The following SLC7A9 variants were observed in gnomAD, a reference collection of about 807,000 sequenced individuals.
SLC7A9 encodes solute carrier family 7 member 9.
SLC7A9 carries 38 observed loss-of-function variants against 54.1 expected under a neutral mutation model. The ratio of observed to expected loss-of-function variants is 0.70; its 90% CI spans 0.54 to 0.92. The LOEUF (loss-of-function observed/expected upper bound fraction) is 0.92, where lower values mean the gene tolerates loss of function less well. SLC7A9 is among the 40% of genes least tolerant of loss of function. The pLI, the probability that SLC7A9 is intolerant of heterozygous loss-of-function variation, is 0.00. For missense variants in SLC7A9, 537 were observed against 636.1 expected (o/e 0.84, Z 1.68); for synonymous variants, 264 against 258.9 (o/e 1.02, Z -0.19).
intron 8 of SLC7A9, 39 bp from the exon 9 acceptor site, chr19:32,858,582 T>TCCAAGAGCGGCC (rs763430693): frequency 1.3e-6 from 2 of 1,543,374 alleles, no homozygotes; most frequent in Non-Finnish European, 1.8e-6. Flanking sequence ...GGGTCTTTCT[T>TCCAAGAGCGGCC]GGCCTCCAAG....
chr19:32,835,899 GTGTGTGTGTGTA>G (rs1967942845), intron 11 of SLC7A9, among the ~76,000 whole-genome samples: 1 of 123,006 alleles, frequency 8.1e-6, no homozygotes, highest in Non-Finnish European at 1.7e-5. Context: ...CTGTGTGTGT[GTGTGTGTGTGTA>G]TGTGTGTGTG....
intron 4 of SLC7A9, 104 bp downstream of exon 4, chr19:32,863,992 T>C (rs184687371): frequency 4.5e-6 from 7 of 1,571,336 alleles, no homozygotes; most frequent in Non-Finnish European, 5.2e-6. Context: ...AGGCCCTGCC[T>C]GGGCTCTCAC....
rs143323763 is a variant in SLC7A9 at position 32,861,066 on chromosome 19, C to T, written c.705-416G>A. ...AAAATGGGCCAGGCATAGTGGCGCA[C>T]GTCTGTAATCCCAGCACTTTGAGAA... On this transcript the variant is annotated intron_variant, in intron 6 of 12. Coordinates refer to ENST00000023064, the MANE Select transcript of SLC7A9 (RefSeq NM_014270.5). 2.9e-3 allele frequency among the ~76,000 whole-genome samples: 439 copies of T among 152,286 alleles called. 3 individuals carry two copies. The highest frequency in any genetic ancestry group is 9.8e-3 in the African/African-American group (408 of 41,542).
intron 12 of SLC7A9, among the ~76,000 whole-genome samples, chr19:32,832,196 G>A (rs1007668841): frequency 2.0e-5 from 3 of 152,016 alleles, no homozygotes; most frequent in African/African-American, 4.8e-5. Flanking sequence ...GGCTGAGGCA[G>A]GAAAATCGCT....
At chr19:32,860,221 C>A in intron 7 of SLC7A9, 1 of 1,429,866 alleles carries the variant, frequency 7.0e-7, no homozygotes, top group Non-Finnish European at 9.1e-7. Flanking sequence ...TGCTCTGTCC[C>A]AAACCAAACC....
chr19:32,859,908 A>T lies in SLC7A9; in HGVS notation c.806T>A (p.Leu269His). Residue 269 changes from leucine (L) to histidine (H), a missense_variant, in exon 8 of 13, where the codon CTC becomes CAC. Physicochemically the swap from Leu to His is moderately conservative, Grantham distance 99 (BLOSUM62 -3). Transcript: ENST00000023064. ...GIPLVTACYILMNVSYFTVMT... is the reference protein window; with the variant it reads ...GIPLVTACYIHMNVSYFTVMT... Reference sequence around the variant, plus strand: ...CACGGTGAAGTAGGACACGTTCATGAGGATGTAGCACGCCGTCACCAGGGG... The same window carrying T: ...CACGGTGAAGTAGGACACGTTCATGTGGATGTAGCACGCCGTCACCAGGGG... The T allele has an allele frequency of 6.2e-7, 1 of 1,614,176 alleles. No homozygotes were observed. The highest frequency in any genetic ancestry group is 8.5e-7 in the Non-Finnish European group (1 of 1,180,048).
At chr19:32,843,826 G>A (rs1241875004) in intron 10 of SLC7A9, 29 bp downstream of exon 10, 4 of 1,560,334 alleles carry the variant, frequency 2.6e-6, no homozygotes, top group Non-Finnish European at 3.5e-6. Flanking sequence ...CCGCCTTGAA[G>A]ATAGGCTGGT....
rs1326087709 is a variant in SLC7A9 at position 32,862,438 on chromosome 19, G to T, written c.604+23C>A. The T allele has an allele frequency of 3.1e-6, 5 of 1,612,258 alleles. No homozygotes were observed. In the Admixed American group the frequency reaches 8.3e-5, roughly 27 times the overall value. ...AGGGCGTTTGGTGTGTGCCCGTGCA[G>T]GGCCCACCCTCCCGTGGGTCACCTT... On this transcript the variant is annotated intron_variant, in intron 5 of 12. Coordinates refer to ENST00000023064, the MANE Select transcript of SLC7A9 (RefSeq NM_014270.5).
intron 9 of SLC7A9, among the ~76,000 whole-genome samples, chr19:32,858,054 A>G (rs1294601096): frequency 6.6e-6 from 1 of 152,240 alleles, no homozygotes; most frequent in Non-Finnish European, 1.5e-5. Flanking sequence ...TGTTCAGGAA[A>G]TATCACTATG....
At chr19:32,854,867 C>T (rs528218125) in intron 9 of SLC7A9, among the ~76,000 whole-genome samples, 194 of 152,244 alleles carry the variant, frequency 1.3e-3, no homozygotes, top group African/African-American at 4.2e-3. Flanking sequence ...GGATTACAGG[C>T]GTGAGCCACT....
chr19:32,859,161 G>A (rs1473255596), intron 8 of SLC7A9, among the ~76,000 whole-genome samples: 3 of 151,930 alleles, frequency 2.0e-5, no homozygotes, highest in Non-Finnish European at 4.4e-5. Flanking sequence ...GTGTAGTGGC[G>A]TGATCACGTC....
chr19:32,835,731 CTGT>C (rs1394229225), intron 11 of SLC7A9, among the ~76,000 whole-genome samples: 2 of 151,844 alleles, frequency 1.3e-5, no homozygotes, highest in African/African-American at 4.8e-5. Context: ...TTTTGGTTTT[CTGT>C]TGTTCTTTAT....
intron 9 of SLC7A9, among the ~76,000 whole-genome samples, 187 bp downstream of exon 9, chr19:32,858,253 T>C (rs973794636): frequency 2.6e-5 from 4 of 152,194 alleles, no homozygotes; most frequent in African/African-American, 9.7e-5. Context: ...GGCCCATCCA[T>C]GCCTTCCTGG....
intron 9 of SLC7A9, among the ~76,000 whole-genome samples, chr19:32,854,878 GC>G (rs1247838659): frequency 6.6e-6 from 1 of 152,154 alleles, no homozygotes; most frequent in African/African-American, 2.4e-5. Flanking sequence ...GTGAGCCACT[GC>G]ACCTGGCCTT....
At chr19:32,839,318 G>C (rs1599655397) in intron 11 of SLC7A9, among the ~76,000 whole-genome samples, 1 of 152,146 alleles carries the variant, frequency 6.6e-6, no homozygotes, top group African/African-American at 2.4e-5. Flanking sequence ...ACTTTGGAAG[G>C]CTGAAGTGGG....
At chr19:32,867,536 A>T (rs77395488) in intron 2 of SLC7A9, among the ~76,000 whole-genome samples, 6,687 of 151,748 alleles carry the variant, frequency 0.044, 201 homozygotes, top group Middle Eastern at 0.088. Context: ...TTTTTTAAAA[A>T]TTTTTAAAAA....
chr19:32,856,789 C>T (rs892807968), intron 9 of SLC7A9, among the ~76,000 whole-genome samples: 1 of 152,128 alleles, frequency 6.6e-6, no homozygotes, highest in Non-Finnish European at 1.5e-5. Flanking sequence ...GTGGCCCAGA[C>T]TAGTCTCGAA....
At chr19:32,855,511 A>G (rs1027337629) in intron 9 of SLC7A9, among the ~76,000 whole-genome samples, 3 of 152,152 alleles carry the variant, frequency 2.0e-5, no homozygotes, top group South Asian at 2.1e-4. Flanking sequence ...CATCCTGGCA[A>G]ACACGGTGAA....
rs372904328 is a variant in SLC7A9, at chr19:32,858,436, C to T, written c.977+4G>A. 1.9e-6 allele frequency: 3 copies of T among 1,609,816 alleles called. No individual in the cohort carries two copies. The highest frequency in any genetic ancestry group is 1.7e-5 in the Admixed American group (1 of 59,988). On this transcript the variant is annotated splice_donor_region_variant and intron_variant, in intron 9 of 12. Transcript: ENST00000023064. ...CCCTGGGAGTGACGGTGGGGGTCCC[C>T]TACCTGCCCGCTGTGAAGCAGGTCC...
Sources: allele counts gnomAD v4.1 joint callset (sites outside exome capture counted in the v4.1 genomes callset), GRCh38; gene constraint gnomAD v4.1.1; transcripts MANE v1.5; gene names NCBI Gene and HGNC (gene_info 2026-07-23, HGNC 2026-07-21).